Variants in LDLRAD4 observed in about 807,000 individuals in gnomAD.
The protein encoded by LDLRAD4 is low density lipoprotein receptor class A domain containing 4, also known as low-density lipoprotein receptor class A domain-containing protein 4.
A neutral mutation model predicts 17.0 loss-of-function variants in LDLRAD4; 5 were observed. That is an observed-to-expected ratio of 0.29 (90% confidence interval 0.15 to 0.62). The LOEUF is 0.62. LDLRAD4 is among the 20% of genes least tolerant of loss of function. The pLI is 0.84. For synonymous variants in LDLRAD4, 168 were observed against 171.8 expected (o/e 0.98, Z 0.17); for missense variants, 340 against 424.7 (o/e 0.80, Z 1.75).
At chr18:13,219,743 C>T (rs769281831) in intron 1 of LDLRAD4, among the ~76,000 whole-genome samples, 12 of 152,194 alleles carry the variant, frequency 7.9e-5, no homozygotes, top group Non-Finnish European at 1.3e-4. Context: ...CCCTTTCTGC[C>T]GGTTTGGCTA....
Position 13,643,375 on chromosome 18 carries a change from CT to C in LDLRAD4, c.355del (p.Ser119GlnfsTer87). ...CTCCGCCAGGAAGGGTGCCTGTGGC[CT>C]TCAGACAGCGCCGCACCGCGGCTGG... On this transcript the variant is annotated frameshift_variant, in exon 5 of 6. Coordinates refer to ENST00000359446, the Ensembl canonical transcript of LDLRAD4. LOFTEE classifies it low-confidence loss of function (END_TRUNC). 2 of 1,438,778 alleles carry C rather than the reference CT, an allele frequency of 1.4e-6. No homozygotes were observed. Among genetic ancestry groups the C allele is most frequent in the Non-Finnish European group, 1.8e-6 (2 of 1,090,678 alleles). 89.1% of individuals were successfully genotyped at this position (1,438,778 alleles called of 1,614,324 possible).
At chr18:13,578,579 G>A (rs956795456) in intron 3 of LDLRAD4, among the ~76,000 whole-genome samples, 9 of 152,196 alleles carry the variant, frequency 5.9e-5, no homozygotes, top group East Asian at 1.9e-4. Flanking sequence ...AACCTTCAGC[G>A]GAAGAAGGCG....
chr18:13,418,090 C>G (rs2089095624), intron 2 of LDLRAD4, among the ~76,000 whole-genome samples: 1 of 152,332 alleles, frequency 6.6e-6, no homozygotes, highest in East Asian at 1.9e-4. Context: ...TGCACCCGCA[C>G]TGAGCCCTGG....
At chr18:13,273,628 G>A (rs1231793900), upstream of LDLRAD4, among the ~76,000 whole-genome samples, 1 of 152,164 alleles carries the variant, frequency 6.6e-6, no homozygotes, top group African/African-American at 2.4e-5. Flanking sequence ...CCAGGACCCA[G>A]CCACCAGCTG....
At chr18:13,242,555 G>A (rs551490767) in intron 1 of LDLRAD4, among the ~76,000 whole-genome samples, 2 of 152,114 alleles carry the variant, frequency 1.3e-5, no homozygotes, top group Non-Finnish European at 2.9e-5. Context: ...AAAATCCCAT[G>A]TAGTCTGTAT....
intron 1 of LDLRAD4, among the ~76,000 whole-genome samples, chr18:13,376,738 T>C (rs2084941594): frequency 6.6e-6 from 1 of 152,208 alleles, no homozygotes. Flanking sequence ...GCACGTATCT[T>C]TACCGCTGCC....
intron 3 of LDLRAD4, among the ~76,000 whole-genome samples, chr18:13,594,983 G>T (rs753079682): frequency 8.6e-5 from 13 of 151,928 alleles, no homozygotes; most frequent in Non-Finnish European, 1.5e-4. Context: ...TGCCTTTCTA[G>T]AATTTTTTTT....
chr18:13,581,486 C>A (rs533623678), intron 3 of LDLRAD4, among the ~76,000 whole-genome samples: 61 of 152,290 alleles, frequency 4.0e-4, no homozygotes, highest in South Asian at 8.3e-4. Flanking sequence ...TTCTTTGGAG[C>A]CTTCTTTCTG....
chr18:13,336,797 T>A (rs973115661), intron 1 of LDLRAD4, among the ~76,000 whole-genome samples: 1 of 152,082 alleles, frequency 6.6e-6, no homozygotes, highest in South Asian at 2.1e-4. Context: ...TCTGTCTTCC[T>A]CCCCCTCTCT....
At chr18:13,606,745 T>C (rs1347472644) in intron 3 of LDLRAD4, among the ~76,000 whole-genome samples, 1 of 152,234 alleles carries the variant, frequency 6.6e-6, no homozygotes, top group Non-Finnish European at 1.5e-5. Context: ...ACTTAAAATG[T>C]ACTGTTTCTA....
At chr18:13,506,283 CA>C (rs981784701) in intron 3 of LDLRAD4, among the ~76,000 whole-genome samples, 67 of 151,934 alleles carry the variant, frequency 4.4e-4, no homozygotes, top group African/African-American at 1.5e-3. Flanking sequence ...AGTTTTGTTA[CA>C]TATGTGTACA....
At chr18:13,392,903 G>A (rs1199980385) in intron 2 of LDLRAD4, among the ~76,000 whole-genome samples, 1 of 152,194 alleles carries the variant, frequency 6.6e-6, no homozygotes, top group Non-Finnish European at 1.5e-5. Context: ...AGGGCAGTTA[G>A]TAGTCTTTGT....
chr18:13,508,386 G>C (rs1000762962), intron 3 of LDLRAD4, among the ~76,000 whole-genome samples: 1 of 152,344 alleles, frequency 6.6e-6, no homozygotes, highest in African/African-American at 2.4e-5. Flanking sequence ...CAGATTTTCA[G>C]TGTAGGTGGA....
At chr18:13,363,288 C>T (rs988180579) in intron 1 of LDLRAD4, among the ~76,000 whole-genome samples, 8 of 142,598 alleles carry the variant, frequency 5.6e-5, no homozygotes, top group Admixed American at 3.0e-4. Context: ...GCCGAGATCG[C>T]GCCACTGCAC....
intron 3 of LDLRAD4, among the ~76,000 whole-genome samples, chr18:13,557,001 G>A (rs1374297936): frequency 1.3e-5 from 2 of 152,152 alleles, no homozygotes; most frequent in African/African-American, 2.4e-5. Flanking sequence ...GGCTTAAGGA[G>A]ATAATAAGCA....
Position 13,566,656 on chromosome 18 carries a change from C to T in LDLRAD4, c.182-54461C>T, listed in dbSNP as rs539387579. On this transcript the variant is annotated intron_variant, in intron 3 of 5. Coordinates refer to ENST00000359446, the Ensembl canonical transcript of LDLRAD4. ...GATTACAGGCACGAGACGCTGCGCC[C>T]AGCCAAGAGTATGCCTTATATTAAA... is the stretch of plus-strand genomic sequence containing the variant. Among the ~76,000 whole-genome samples, 3 of 152,294 alleles carry T rather than the reference C, an allele frequency of 2.0e-5. No homozygotes were observed. The East Asian group carries it at 5.8e-4, about 29-fold the overall frequency.
intron 1 of LDLRAD4, among the ~76,000 whole-genome samples, chr18:13,348,865 C>G (rs2082867349): frequency 6.6e-6 from 1 of 152,126 alleles, no homozygotes; most frequent in South Asian, 2.1e-4. Context: ...GTAGGACCCT[C>G]CGAGCCAGGC....
intron 2 of LDLRAD4, among the ~76,000 whole-genome samples, chr18:13,388,865 C>T (rs960671137): frequency 6.6e-6 from 1 of 152,250 alleles, no homozygotes. Flanking sequence ...GCAGCTTGCA[C>T]CACATAGTCT....
intron 1 of LDLRAD4, among the ~76,000 whole-genome samples, chr18:13,297,186 C>T (rs1209433655): frequency 6.6e-6 from 1 of 152,148 alleles, no homozygotes; most frequent in Non-Finnish European, 1.5e-5. Flanking sequence ...CCTCTGTCCC[C>T]GAGGATGTTC....
Sources: allele counts gnomAD v4.1 joint callset (sites outside exome capture counted in the v4.1 genomes callset), GRCh38; gene constraint gnomAD v4.1.1; transcripts MANE v1.5; gene names NCBI Gene and HGNC (gene_info 2026-07-23, HGNC 2026-07-21).